RIMS2: variants seen among roughly 807,000 people sequenced by gnomAD.
RIMS2 encodes the protein regulating synaptic membrane exocytosis protein 2.
Under a neutral mutation model 174.4 loss-of-function variants are expected in RIMS2, and 59 were observed. The observed-to-expected ratio is 0.34, with a 90% CI of 0.27 to 0.42. The LOEUF (loss-of-function observed/expected upper bound fraction) is 0.42. Among genes scored for constraint, RIMS2 ranks in the 10% least tolerant of loss-of-function variants. RIMS2 has a pLI of 1.00. For missense variants in RIMS2, 1,620 were observed against 1,666.3 expected, an observed-to-expected ratio of 0.97 and a Z score of 0.48; for synonymous variants, 606 against 572.5, an observed-to-expected ratio of 1.06 and a Z score of -0.84.
intron 1 of RIMS2, among the ~76,000 whole-genome samples, chr8:103,533,317 C>CA (rs917314777): frequency 6.6e-6 from 1 of 152,112 alleles, no homozygotes; most frequent in African/African-American, 2.4e-5. Flanking sequence ...TAGTCAGTTA[C>CA]AAAACACAAC....
intron 1 of RIMS2, among the ~76,000 whole-genome samples, chr8:103,680,519 T>A (rs1484314548): frequency 6.6e-6 from 1 of 152,004 alleles, no homozygotes; most frequent in African/African-American, 2.4e-5. Context: ...CCACCAAAGC[T>A]ACAAATGATG....
At chr8:103,986,984 C>G (rs943603180) in intron 16 of RIMS2, among the ~76,000 whole-genome samples, 7 of 151,814 alleles carry the variant, frequency 4.6e-5, no homozygotes, top group Admixed American at 6.6e-5. Context: ...AAAGAGAATT[C>G]CAGACTAAAA....
intron 1 of RIMS2, among the ~76,000 whole-genome samples, chr8:103,651,159 G>C (rs561156760): frequency 6.6e-6 from 1 of 152,210 alleles, no homozygotes; most frequent in Non-Finnish European, 1.5e-5. Context: ...GGATCTGTGG[G>C]AGAAACGTGG....
At position 104,100,866 on chromosome 8, in the gene RIMS2, TTA is replaced by T. The variant is rs532091711; in HGVS notation, c.3334+86257_3334+86258del. ...ATATGTATTATATATGTAATATATA[TTA>T]TATATGTAATATATATCATATTGTA... On this transcript the variant is annotated intron_variant, in intron 19 of 23. Coordinates refer to ENST00000504942, the Ensembl canonical transcript of RIMS2. Among the ~76,000 whole-genome samples the T allele has an allele frequency of 7.8e-5, 11 of 140,712 alleles. No individual in the cohort carries two copies. The East Asian group carries it at 2.2e-3, about 28-fold the overall frequency. 92.3% of individuals were successfully genotyped at this position (140,712 alleles called of 152,430 possible).
rs951083353 is a variant in RIMS2 at position 103,697,362 on chromosome 8, G to A, written c.387+66G>A. On this transcript the variant is annotated intron_variant, in intron 2 of 23. Coordinates refer to ENST00000504942, the Ensembl canonical transcript of RIMS2. ...ATTGTGTTTATCTATTCACGTTAGA[G>A]AGTATGTTAATTCAACCCAAATAAT... 78 of 1,230,716 alleles carry A rather than the reference G, an allele frequency of 6.3e-5. No homozygotes were observed. In the African/African-American group the frequency reaches 9.5e-4, roughly 15 times the overall value. 76.2% of individuals were successfully genotyped at this position (1,230,716 alleles called of 1,614,324 possible).
intron 1 of RIMS2, among the ~76,000 whole-genome samples, chr8:103,684,623 A>G (rs544150854): frequency 8.0e-5 from 12 of 150,088 alleles, no homozygotes; most frequent in Non-Finnish European, 3.0e-5. Flanking sequence ...CTCTCGCTCT[A>G]TCCCCCAGGT....
chr8:104,041,444 G>T, intron 19 of RIMS2, 86 bp downstream of exon 22: 1 of 612,488 alleles, frequency 1.6e-6, no homozygotes, highest in Non-Finnish European at 3.0e-6. Flanking sequence ...TCATTTCATA[G>T]TTTTTCATTC....
At chr8:103,611,099 G>T (rs766452193) in intron 1 of RIMS2, among the ~76,000 whole-genome samples, 55 of 152,120 alleles carry the variant, frequency 3.6e-4, no homozygotes, top group Non-Finnish European at 8.8e-5. Flanking sequence ...AGATTTTCTA[G>T]TTTGTGTGCA....
intron 1 of RIMS2, among the ~76,000 whole-genome samples, chr8:103,670,050 G>A (rs527525066): frequency 6.6e-5 from 10 of 152,340 alleles, no homozygotes; most frequent in South Asian, 2.1e-4. Flanking sequence ...ACATCTAGGC[G>A]TCTCCATACA....
At chr8:103,797,217 T>G (rs1443317483) in intron 3 of RIMS2, among the ~76,000 whole-genome samples, 1 of 152,152 alleles carries the variant, frequency 6.6e-6, no homozygotes, top group African/African-American at 2.4e-5. Context: ...CCTAGTTACT[T>G]GAGCCCTTCC....
chr8:104,239,937 C>G (rs1424007488), intron 19 of RIMS2, among the ~76,000 whole-genome samples: 1 of 152,148 alleles, frequency 6.6e-6, no homozygotes, highest in African/African-American at 2.4e-5. Context: ...CGGTAGTGGA[C>G]AGAATCCAAT....
intron 3 of RIMS2, among the ~76,000 whole-genome samples, chr8:103,812,914 T>C (rs887529133): frequency 6.6e-6 from 1 of 152,196 alleles, no homozygotes; most frequent in African/African-American, 2.4e-5. Context: ...TAGATTTTTA[T>C]CAGTCGGATG....
At chr8:103,617,126 A>T (rs1382517565) in intron 1 of RIMS2, among the ~76,000 whole-genome samples, 1 of 152,222 alleles carries the variant, frequency 6.6e-6, no homozygotes, top group Non-Finnish European at 1.5e-5. Flanking sequence ...CCATACTACA[A>T]GGCTACAGTA....
At chr8:103,842,321 A>G (rs2098944827) in intron 3 of RIMS2, among the ~76,000 whole-genome samples, 1 of 152,152 alleles carries the variant, frequency 6.6e-6, no homozygotes, top group Admixed American at 6.5e-5. Context: ...AAGAAGAATT[A>G]AAGAAACTCT....
At chr8:103,712,718 C>T (rs1252729212) in intron 2 of RIMS2, among the ~76,000 whole-genome samples, 2 of 152,034 alleles carry the variant, frequency 1.3e-5, no homozygotes, top group East Asian at 1.9e-4. Context: ...ACTGTAGATA[C>T]AGAAACACAA....
intron 1 of RIMS2, among the ~76,000 whole-genome samples, chr8:103,692,280 C>T (rs1226904429): frequency 6.6e-6 from 1 of 152,164 alleles, no homozygotes; most frequent in Non-Finnish European, 1.5e-5. Context: ...AGGCTTTTGT[C>T]CTTTTCTTCA....
intron 1 of RIMS2, among the ~76,000 whole-genome samples, chr8:103,534,789 G>C (rs1026668883): frequency 6.6e-6 from 1 of 152,004 alleles, no homozygotes; most frequent in African/African-American, 2.4e-5. Flanking sequence ...TATCAATAAG[G>C]GTTTTGTAGA....
chr8:103,593,400 A>G (rs527374229), intron 1 of RIMS2, among the ~76,000 whole-genome samples: 2 of 151,746 alleles, frequency 1.3e-5, no homozygotes, highest in African/African-American at 2.4e-5. Flanking sequence ...TTTTAATGTA[A>G]CAGAGTACAG....
intron 19 of RIMS2, among the ~76,000 whole-genome samples, chr8:104,179,985 G>GT (rs1300896078): frequency 6.6e-6 from 1 of 151,568 alleles, no homozygotes; most frequent in Non-Finnish European, 1.5e-5. Flanking sequence ...TTTGCTTTCT[G>GT]TTTTTCACTT....
Sources: gnomAD v4.1 joint callset for allele counts (sites outside exome capture counted in the v4.1 genomes callset) on GRCh38, gnomAD v4.1.1 for gene constraint, MANE v1.5 for transcripts, NCBI Gene and HGNC (gene_info 2026-07-23, HGNC 2026-07-21) for gene names.